TMTC2: variants seen among roughly 807,000 people sequenced by gnomAD.
TMTC2 encodes the protein protein O-mannosyl-transferase TMTC2.
In TMTC2, 43 loss-of-function variants were observed where a neutral mutation model predicts 82.4. That is an observed-to-expected ratio of 0.52 (90% CI 0.41 to 0.67). The LOEUF (loss-of-function observed/expected upper bound fraction) is 0.67, where lower values mean the gene tolerates loss of function less well. Ranked by LOEUF, TMTC2 falls within the 30% of genes least tolerant of loss-of-function variation. The probability of loss-of-function intolerance (pLI) is 0.00; values close to 1 mark genes in which losing one functional copy is unlikely to be tolerated. For synonymous variants in TMTC2, 408 were observed against 381.9 expected, an observed-to-expected ratio of 1.07 and a Z score of -0.80; for missense variants, 919 against 1,012.4, an observed-to-expected ratio of 0.91 and a Z score of 1.25.
Position 82,857,506 on chromosome 12 carries a change from G to A in TMTC2, c.580G>A (p.Ala194Thr), listed in dbSNP as rs760738283. Residue 194 changes from alanine (A) to threonine (T), a missense_variant, in exon 2 of 12, where the codon GCA (alanine) becomes ACA (threonine). Ala to Thr is a moderately conservative substitution (Grantham distance 58). Transcript: ENST00000321196. Reference protein sequence around the residue: ...LWKEQGVTVLAVSAVYDVFVF... With the variant: ...LWKEQGVTVLTVSAVYDVFVF... Reference sequence around the variant, plus strand: ...GAAGGAACAAGGAGTGACTGTTCTCGCAGTTTCAGCAGTTTATGATGTCTT... The same window carrying A: ...GAAGGAACAAGGAGTGACTGTTCTCACAGTTTCAGCAGTTTATGATGTCTT... The A allele has an allele frequency of 3.1e-6, 5 of 1,614,116 alleles. No homozygotes were observed. Among genetic ancestry groups the A allele is most frequent in the Admixed American group, 3.3e-5 (2 of 60,020 alleles).
Position 82,839,401 on chromosome 12 carries a change from T to A in TMTC2, c.84-17609T>A, listed in dbSNP as rs186290498. Among the ~76,000 whole-genome samples, 632 of 152,320 alleles carry A rather than the reference T, an allele frequency of 4.1e-3. 1 individual carries two copies. The highest frequency in any genetic ancestry group is 6.6e-3 in the Non-Finnish European group (449 of 68,022). Reference sequence around the variant, plus strand: ...CCACAGGTGATCAGATTTCTGATCCTAGACTCTTCTAGGTTGTATTTTAGG... The same window carrying A: ...CCACAGGTGATCAGATTTCTGATCCAAGACTCTTCTAGGTTGTATTTTAGG... On this transcript the variant is annotated intron_variant, in intron 1 of 11. Transcript: ENST00000321196.
chr12:83,092,739 A>G (rs1193528388), intron 11 of TMTC2, among the ~76,000 whole-genome samples: 1 of 152,180 alleles, frequency 6.6e-6, no homozygotes, highest in Non-Finnish European at 1.5e-5. Flanking sequence ...ATGTTTTATC[A>G]TTTGTCTCTT....
At chr12:82,942,698 G>A (rs1360874983) in intron 4 of TMTC2, among the ~76,000 whole-genome samples, 2 of 152,112 alleles carry the variant, frequency 1.3e-5, no homozygotes, top group Non-Finnish European at 2.9e-5. Context: ...ATTTAGCTAA[G>A]TCGTTCTTGT....
chr12:83,047,940 T>C (rs1882203132), intron 9 of TMTC2, among the ~76,000 whole-genome samples: 1 of 152,232 alleles, frequency 6.6e-6, no homozygotes, highest in African/African-American at 2.4e-5. Context: ...ACATTGCTTG[T>C]AAAGGGACCC....
chr12:82,719,085 A>ATATATATATATTTTT (rs1282211374), intron 1 of TMTC2, among the ~76,000 whole-genome samples: 3 of 41,416 alleles, frequency 7.2e-5, no homozygotes, highest in Admixed American at 4.9e-4. Context: ...ATATATATAT[A>ATATATATATATTTTT]TTTTTTTTTT....
chr12:82,841,694 G>A (rs751145249), intron 1 of TMTC2, among the ~76,000 whole-genome samples: 4 of 152,178 alleles, frequency 2.6e-5, no homozygotes, highest in Non-Finnish European at 4.4e-5. Flanking sequence ...TTTCTCAGAT[G>A]TATGTGTGTG....
intron 11 of TMTC2, among the ~76,000 whole-genome samples, chr12:83,068,816 G>A (rs1241321696): frequency 1.3e-5 from 2 of 151,980 alleles, no homozygotes; most frequent in Non-Finnish European, 2.9e-5. Context: ...CATCCGAGCA[G>A]TGTACACTGC....
rs543096320 is a variant in TMTC2 at position 82,705,353 on chromosome 12, GAA to G, written c.83+17687_83+17688del. Among the ~76,000 whole-genome samples the G allele has an allele frequency of 2.0e-3, 306 of 152,236 alleles. 1 individual carries two copies. The highest frequency in any genetic ancestry group is 7.1e-3 in the African/African-American group (295 of 41,552). ...TGGAGATAAAAAAAATTCAAAAAAA[GAA>G]AATTGTCCTTATATACATGTCAGAC... On this transcript the variant is annotated intron_variant, in intron 1 of 11. Transcript: ENST00000321196.
intron 4 of TMTC2, among the ~76,000 whole-genome samples, chr12:82,959,298 T>C (rs149624884): frequency 2.2e-4 from 33 of 152,222 alleles, no homozygotes; most frequent in African/African-American, 5.3e-4. Context: ...ACTACCAATG[T>C]CAGTTTTCAC....
At chr12:83,032,163 T>TC (rs1030575203) in intron 9 of TMTC2, among the ~76,000 whole-genome samples, 5 of 151,076 alleles carry the variant, frequency 3.3e-5, no homozygotes, top group African/African-American at 7.3e-5. Context: ...GGTTTTTTTT[T>TC]CCCACTATCT....
intron 9 of TMTC2, among the ~76,000 whole-genome samples, chr12:83,042,656 C>T (rs1881939085): frequency 6.6e-6 from 1 of 152,144 alleles, no homozygotes; most frequent in African/African-American, 2.4e-5. Context: ...ATTCCCACAC[C>T]CTGTCAGACA....
At chr12:82,739,516 A>G (rs905735631) in intron 1 of TMTC2, among the ~76,000 whole-genome samples, 2 of 152,132 alleles carry the variant, frequency 1.3e-5, no homozygotes, top group Non-Finnish European at 2.9e-5. Flanking sequence ...AGGTAGATGG[A>G]GTATGGGTGC....
At chr12:82,997,413 T>TATATATATATGTGTATATATATATGTGC (rs1879709882) in intron 8 of TMTC2, among the ~76,000 whole-genome samples, 1 of 34,056 alleles carries the variant, frequency 2.9e-5, no homozygotes, top group African/African-American at 7.0e-5. Context: ...TATATATGTG[T>TATATATATATGTGTATATATATATGTGC]ATATATATAT....
At chr12:82,990,028 G>T (rs1479212728) in intron 8 of TMTC2, among the ~76,000 whole-genome samples, 2 of 152,000 alleles carry the variant, frequency 1.3e-5, no homozygotes, top group Non-Finnish European at 2.9e-5. Context: ...GGGGTTTCTT[G>T]GCCTGGTAAC....
At chr12:82,991,656 A>G (rs1211595067) in intron 8 of TMTC2, among the ~76,000 whole-genome samples, 1 of 152,224 alleles carries the variant, frequency 6.6e-6, no homozygotes, top group Admixed American at 6.5e-5. Flanking sequence ...TTAAAATACT[A>G]AACACAAGAT....
chr12:83,028,445 A>G (rs1241174522), intron 8 of TMTC2, among the ~76,000 whole-genome samples: 2 of 152,128 alleles, frequency 1.3e-5, no homozygotes, highest in African/African-American at 4.8e-5. Context: ...CCCTATTATG[A>G]TCAACTTACT....
At chr12:82,853,533 TATAAAG>T (rs1458625440) in intron 1 of TMTC2, among the ~76,000 whole-genome samples, 2 of 152,214 alleles carry the variant, frequency 1.3e-5, no homozygotes, top group Non-Finnish European at 2.9e-5. Flanking sequence ...GATTTATTGC[TATAAAG>T]ATAAATTCCA....
intron 1 of TMTC2, among the ~76,000 whole-genome samples, chr12:82,811,799 C>T (rs1206508872): frequency 1.4e-4 from 19 of 139,854 alleles, no homozygotes; most frequent in Non-Finnish European, 2.8e-4. Context: ...CTTTTCCATG[C>T]TCTCCTTCTT....
chr12:82,752,712 C>T (rs1031339608), intron 1 of TMTC2, among the ~76,000 whole-genome samples: 3 of 151,656 alleles, frequency 2.0e-5, no homozygotes, highest in Admixed American at 6.6e-5. Context: ...CATGAGTAAA[C>T]ATCTAGGATG....
Sources: gnomAD v4.1 joint callset for allele counts (sites outside exome capture counted in the v4.1 genomes callset) on GRCh38, gnomAD v4.1.1 for gene constraint, MANE v1.5 for transcripts, NCBI Gene and HGNC (gene_info 2026-07-23, HGNC 2026-07-21) for gene names.